The following HTR3D variants were observed in gnomAD, a reference collection of about 807,000 sequenced individuals.
HTR3D encodes the protein 5-hydroxytryptamine receptor 3D.
Under a neutral mutation model 45.8 loss-of-function variants are expected in HTR3D, and 47 were observed. The observed-to-expected ratio is 1.03, with a 90% CI of 0.81 to 1.31. HTR3D has a LOEUF of 1.31. Ranked by LOEUF, HTR3D falls within the 50% of genes most tolerant of loss-of-function variation. The pLI is 0.00. For synonymous variants in HTR3D, 203 were observed against 199.8 expected (o/e 1.02, Z -0.13); for missense variants, 448 against 506.9 (o/e 0.88, Z 1.12).
At chr3:184,031,929 G>T (rs1722759831) in intron 1 of HTR3D, 122 bp downstream of exon 1, 2 of 689,272 alleles carry the variant, frequency 2.9e-6, no homozygotes, top group Middle Eastern at 2.7e-4. Context: ...TAAAAATGAT[G>T]CTCGTGACAC....
rs772438656 is a variant in HTR3D at position 184,038,668 on chromosome 3, G to A, written c.985+44G>A. On this transcript the variant is annotated intron_variant, in intron 7 of 7. Transcript: ENST00000428798. The surrounding 1 kb of genome is among the most constrained non-coding windows in gnomAD (Gnocchi z 4.5). ...CCTCTTCCCCCACCTCCACTTCTCT[G>A]CTCCTGCCTCCTTCCCTGTCTCCCT... The A allele has an allele frequency of 1.7e-5, 27 of 1,579,818 alleles. No individual in the cohort carries two copies. Among genetic ancestry groups the A allele is most frequent in the Non-Finnish European group, 2.1e-5 (24 of 1,161,772 alleles).
rs759974167 is a variant in HTR3D at position 184,036,800 on chromosome 3, A to G, written c.420A>G (p.Ser140=). The G allele has an allele frequency of 6.4e-7, 1 of 1,552,082 alleles. No individual in the cohort carries two copies. Among genetic ancestry groups the G allele is most frequent in the Non-Finnish European group, 8.7e-7 (1 of 1,147,064 alleles). Residue 140 remains serine (S), a synonymous_variant, in exon 5 of 8, where the codon TCA becomes TCG. Transcript: ENST00000428798. ...SRSFQIHHRT[S]FRTRREWVLL... is the part of the protein sequence containing the mutation. ...GCTTTCAAATACATCACAGAACCTC[A>G]TTCAGAACAAGGAGGGAGTGGGTAC...
At chr3:184,036,644 G>A (rs1327759988) in intron 4 of HTR3D, 100 bp downstream of exon 4, 2 of 1,583,724 alleles carry the variant, frequency 1.3e-6, no homozygotes, top group Non-Finnish European at 1.7e-6. Context: ...GCTGAAAAGG[G>A]CCTGGAAGCT....
intron 1 of HTR3D, among the ~76,000 whole-genome samples, 188 bp downstream of exon 1, chr3:184,031,995 CTTTTT>C (rs3031482): frequency 7.7e-6 from 1 of 129,642 alleles, no homozygotes; most frequent in Non-Finnish European, 1.6e-5. Context: ...CTTTTCTCTT[CTTTTT>C]TTTTTTTTTT....
chr3:184,037,962 C>A, intron 5 of HTR3D, 59 bp from the exon 6 acceptor site: 2 of 1,585,072 alleles, frequency 1.3e-6, no homozygotes, highest in Non-Finnish European at 1.7e-6. Context: ...CTTACTCTTA[C>A]CTGTCTTGAC....
In HTR3D at chr3:184,038,467, C is replaced by T. The variant is rs1483297984; in HGVS notation, c.828C>T (p.Phe276=). The T allele has an allele frequency of 2.5e-6, 4 of 1,614,090 alleles. No individual in the cohort carries two copies. The highest frequency in any genetic ancestry group is 3.4e-6 in the Non-Finnish European group (4 of 1,180,016). ...TGGGCAGCCTGCTGGAGACCATCTT[C>T]ATCACCCACCTGCTGCACGTGGCCA... The part of the protein sequence containing the change: ...LMVGSLLETI[F]ITHLLHVATT... Residue 276 remains phenylalanine, a synonymous_variant, in exon 7 of 8, where the codon TTC becomes TTT. Coordinates refer to ENST00000428798, the MANE Select transcript of HTR3D (RefSeq NM_001145143.1). This position sits in a 1 kb window ranked among gnomAD's most constrained non-coding sequence, Gnocchi z 4.5.
rs149999721 is a variant in HTR3D, at chr3:184,038,056, C to T, written c.552C>T (p.Tyr184=). 1.7e-3 allele frequency: 2,795 copies of T among 1,614,198 alleles called. 2 individuals carry two copies. Among genetic ancestry groups the T allele is most frequent in the Admixed American group, 4.3e-3 (257 of 60,024 alleles). Residue 184 remains tyrosine (Y), a synonymous_variant, in exon 6 of 8, where the codon TAC becomes TAT. Transcript: ENST00000428798. The surrounding 1 kb of genome is among the most constrained non-coding windows in gnomAD (Gnocchi z 4.5). The part of the protein sequence containing the change: ...AIRRRCRPSP[Y]VVNFLVPSGI... ...GGCGCAGGTGCAGGCCCAGCCCCTA[C>T]GTGGTAAACTTTCTGGTGCCCAGTG...
At chr3:184,034,681 C>T (rs1449152586) in intron 1 of HTR3D, among the ~76,000 whole-genome samples, 1 of 152,098 alleles carries the variant, frequency 6.6e-6, no homozygotes, top group South Asian at 2.1e-4. Context: ...GTTAGCTGGG[C>T]GTGGTGGTGT....
At position 184,038,812 on chromosome 3, in the gene HTR3D, G is replaced by A; in HGVS notation, c.1052G>A (p.Gly351Asp). ...CCTGGGGAGGCAGAGCTGACAGGGG[G>A]CTCAGAATGGACAAGGGCCCAGCGG... ...PGPGEAELTGGSEWTRAQREH... is the reference protein window; with the variant it reads ...PGPGEAELTGDSEWTRAQREH... The change falls in exon 8 of 8, where the codon GGC becomes GAC. Residue 351 changes from glycine to aspartate, a missense_variant. Transcript: ENST00000428798. The surrounding 1 kb of genome is among the most constrained non-coding windows in gnomAD (Gnocchi z 4.5). 6.2e-7 allele frequency: 1 copy of A among 1,613,978 alleles called. No individual in the cohort carries two copies. The highest frequency in any genetic ancestry group is 8.5e-7 in the Non-Finnish European group (1 of 1,179,922).
intron 4 of HTR3D, 24 bp from the exon 5 acceptor site, chr3:184,036,724 C>T (rs1460697977): frequency 6.4e-7 from 1 of 1,552,430 alleles, no homozygotes; most frequent in African/African-American, 1.4e-5. Flanking sequence ...TCTTCTGGGC[C>T]TGCTTTGCAG....
At chr3:184,037,451 T>A (rs1161043467) in intron 5 of HTR3D, among the ~76,000 whole-genome samples, 1 of 152,180 alleles carries the variant, frequency 6.6e-6, no homozygotes, top group Non-Finnish European at 1.5e-5. Flanking sequence ...TCTATGCCAG[T>A]GATTCATGGT....
intron 1 of HTR3D, among the ~76,000 whole-genome samples, chr3:184,032,620 T>C (rs1180745435): frequency 6.6e-6 from 1 of 152,154 alleles, no homozygotes; most frequent in Non-Finnish European, 1.5e-5. Context: ...GTTAAGGACA[T>C]GGCAGGACAC....
chr3:184,031,572 G>A, upstream of HTR3D: 1 of 584,256 alleles, frequency 1.7e-6, no homozygotes, highest in Non-Finnish European at 3.1e-6. Context: ...AAAGCACAGG[G>A]TGAGTTATTC....
chr3:184,036,567 G>A (rs371522299), intron 4 of HTR3D, 23 bp downstream of exon 4: 3 of 1,613,152 alleles, frequency 1.9e-6, no homozygotes, highest in South Asian at 2.2e-5. Context: ...AAAGTAGACT[G>A]TTGAGAGGCA....
At position 184,039,252 on chromosome 3, in the gene HTR3D, A is replaced by C. The variant is rs1448506101; in HGVS notation, c.*277A>C. On this transcript the variant is annotated 3_prime_UTR_variant, in exon 8 of 8. Coordinates refer to ENST00000428798, the MANE Select transcript of HTR3D (RefSeq NM_001145143.1). ...ACGTCCTTGATTAAATCACCCCAAT[A>C]TGCCCCTTTGCAGAAAGTATTGGCT... 36 of 350,448 alleles carry C rather than the reference A, an allele frequency of 1.0e-4. No individual in the cohort carries two copies. The highest frequency in any genetic ancestry group is 1.2e-4 in the Non-Finnish European group (23 of 194,994). The allele number at this position is 350,448 out of a possible 1,614,324, so 21.7% of individuals were successfully genotyped here. A position where few individuals can be genotyped will look rare whatever the true frequency, so the allele number is the denominator to read the frequency against.
In HTR3D at chr3:184,036,665, G is replaced by A. The variant is rs1722906080; in HGVS notation, c.368-83G>A. 3.2e-6 allele frequency: 5 copies of A among 1,566,336 alleles called. No individual in the cohort carries two copies. In the South Asian group the frequency reaches 5.9e-5, roughly 18 times the overall value. Reference sequence around the variant, plus strand: ...AAGGGCCTGGAAGCTAAGCAGTGAGGGATCCAACAGTCTGGGCAAGGGACT... The same window carrying A: ...AAGGGCCTGGAAGCTAAGCAGTGAGAGATCCAACAGTCTGGGCAAGGGACT... On this transcript the variant is annotated intron_variant, in intron 4 of 7. Coordinates refer to ENST00000428798, the MANE Select transcript of HTR3D (RefSeq NM_001145143.1).
Position 184,038,143 on chromosome 3 carries a change from C to T in HTR3D, c.639C>T (p.Ala213=), listed in dbSNP as rs1722962130. 2 of 1,614,140 alleles carry T rather than the reference C, an allele frequency of 1.2e-6. No individual in the cohort carries two copies. The highest frequency in any genetic ancestry group is 2.7e-5 in the African/African-American group (2 of 75,040). Residue 213 remains alanine (A), a synonymous_variant, in exon 6 of 8, where the codon GCC becomes GCT. Transcript: ENST00000428798. This position sits in a 1 kb window ranked among gnomAD's most constrained non-coding sequence, Gnocchi z 4.5. ...TGCCACTGGAAAGTGGGAATTGTGC[C>T]CCATTCAAGATGACTGTTCTGCTGG... The part of the protein sequence containing the change: ...FYLPLESGNC[A]PFKMTVLLGY...
At position 184,038,924 on chromosome 3, in the gene HTR3D, G is replaced by A; in HGVS notation, c.1164G>A (p.Leu388=). Residue 388 remains leucine (L), a synonymous_variant, in exon 8 of 8, where the codon CTG becomes CTA. Transcript: ENST00000428798. The surrounding 1 kb of genome is among the most constrained non-coding windows in gnomAD (Gnocchi z 4.5). The part of the protein sequence containing the change: ...AMDALLFRLY[L]LFMASSIITV... ...ACGCCCTGCTCTTCCGCCTCTACCTGCTCTTCATGGCCTCCTCCATCATCA... is the reference window on the plus strand; with the variant it reads ...ACGCCCTGCTCTTCCGCCTCTACCTACTCTTCATGGCCTCCTCCATCATCA... 6.2e-7 allele frequency: 1 copy of A among 1,614,154 alleles called. No individual in the cohort carries two copies. Among genetic ancestry groups the A allele is most frequent in the African/African-American group, 1.3e-5 (1 of 75,026 alleles).
chr3:184,034,286 T>G (rs954712817), intron 1 of HTR3D, among the ~76,000 whole-genome samples: 2 of 152,246 alleles, frequency 1.3e-5, no homozygotes, highest in African/African-American at 4.8e-5. Context: ...AACAAAATTC[T>G]AACACATGCC....
Sources: allele counts gnomAD v4.1 joint callset (sites outside exome capture counted in the v4.1 genomes callset), GRCh38; gene constraint gnomAD v4.1.1; non-coding constraint Gnocchi (gnomAD v3.1); transcripts MANE v1.5; gene names NCBI Gene and HGNC (gene_info 2026-07-23, HGNC 2026-07-21).